The following KLHL6 variants were observed in gnomAD, a reference collection of about 807,000 sequenced individuals.
KLHL6 encodes the protein kelch-like protein 6.
Under a neutral mutation model 58.6 loss-of-function variants are expected in KLHL6, and 41 were observed. The ratio of observed to expected loss-of-function variants is 0.70; its 90% confidence interval spans 0.55 to 0.91. The LOEUF is 0.91. KLHL6 is among the 40% of genes least tolerant of loss of function. KLHL6 has a pLI of 0.00. For synonymous variants in KLHL6, 338 were observed against 322.7 expected (o/e 1.05, Z -0.51); for missense variants, 714 against 805.6 (o/e 0.89, Z 1.38).
At chr3:183,543,238 G>A (rs1712612207) in intron 1 of KLHL6, among the ~76,000 whole-genome samples, 1 of 151,086 alleles carries the variant, frequency 6.6e-6, no homozygotes, top group African/African-American at 2.4e-5. Context: ...AGTGAGCTGA[G>A]ATCGCACCAC....
Position 183,499,918 on chromosome 3 carries a change from A to G in KLHL6, c.910-91T>C. ...CCATTAGGAGTCGGGTCCAATTCCC[A>G]TATCTGCCACGGTATGACCATGTGA... On this transcript the variant is annotated intron_variant, in intron 3 of 6. Transcript: ENST00000341319. The surrounding 1 kb of genome is among the most constrained non-coding windows in gnomAD (Gnocchi z 4.6). 2.3e-6 allele frequency: 2 copies of G among 869,872 alleles called. No homozygotes were observed. The highest frequency in any genetic ancestry group is 3.4e-6 in the Non-Finnish European group (2 of 581,454). 53.9% of individuals were successfully genotyped at this position (869,872 alleles called of 1,614,324 possible). A position where few individuals can be genotyped will look rare whatever the true frequency, so the allele number is the denominator to read the frequency against.
At chr3:183,534,910 GTATATATGTATGCATATATATACA>G (rs1326559998) in intron 1 of KLHL6, among the ~76,000 whole-genome samples, 2 of 146,180 alleles carry the variant, frequency 1.4e-5, no homozygotes, top group East Asian at 4.0e-4. Context: ...ATGTATGTAT[GTATATATGTATGCATATATATACA>G]TATATATATA....
At chr3:183,552,779 T>C (rs1461853708) in intron 1 of KLHL6, among the ~76,000 whole-genome samples, 1 of 144,174 alleles carries the variant, frequency 6.9e-6, no homozygotes, top group African/African-American at 2.5e-5. Context: ...TTGACCTCCC[T>C]AAACCTGAGC....
rs1717645934 is a variant in KLHL6 at position 183,494,103 on chromosome 3, G to A, written c.1326C>T (p.Asp442=). The A allele has an allele frequency of 1.9e-6, 3 of 1,614,042 alleles. No homozygotes were observed. The highest frequency in any genetic ancestry group is 2.5e-6 in the Non-Finnish European group (3 of 1,180,018). Residue 442 remains aspartate (D), a synonymous_variant, in exon 5 of 7, where the codon GAC becomes GAT. Coordinates refer to ENST00000341319, the MANE Select transcript of KLHL6 (RefSeq NM_130446.4). ...LQRINNVETY[D]PFHNCWSEAA... ...CCTCTGACCAGCAGTTGTGAAAGGG[G>A]TCGTAGGTCTCCACATTGTTGATTC...
intron 2 of KLHL6, among the ~76,000 whole-genome samples, chr3:183,524,970 T>TA (rs1008641486): frequency 2.4e-4 from 37 of 152,082 alleles, no homozygotes; most frequent in Non-Finnish European, 4.7e-4. Flanking sequence ...ATGAACATGA[T>TA]AAAAAAAACT....
intron 3 of KLHL6, among the ~76,000 whole-genome samples, chr3:183,507,158 C>T (rs1718031963): frequency 6.6e-6 from 1 of 152,040 alleles, no homozygotes. Context: ...TGATGGGGAG[C>T]CAATGAAGAA....
chr3:183,529,478 G>C (rs966816110), intron 1 of KLHL6, among the ~76,000 whole-genome samples: 7 of 152,008 alleles, frequency 4.6e-5, no homozygotes, highest in Non-Finnish European at 1.0e-4. Context: ...ACCATGCTCT[G>C]AAAACATTTC....
chr3:183,498,289 A>C (rs1717770363), intron 4 of KLHL6, among the ~76,000 whole-genome samples: 1 of 152,202 alleles, frequency 6.6e-6, no homozygotes, highest in African/African-American at 2.4e-5. Flanking sequence ...GAAAGCTAGA[A>C]CCTAATCAAT....
intron 2 of KLHL6, among the ~76,000 whole-genome samples, chr3:183,521,960 G>T (rs530739419): frequency 4.6e-5 from 7 of 150,800 alleles, no homozygotes; most frequent in Admixed American, 2.6e-4. Context: ...CTCCCAAAGT[G>T]CTGGGATTAC....
At chr3:183,509,703 A>T (rs909490382) in intron 2 of KLHL6, among the ~76,000 whole-genome samples, 14 of 152,318 alleles carry the variant, frequency 9.2e-5, no homozygotes, top group South Asian at 2.1e-4. Flanking sequence ...AGGCTTTTAA[A>T]GCTTCTGCTC....
rs191314360 is a variant in KLHL6 at position 183,527,981 on chromosome 3, T to C, written c.323A>G (p.Lys108Arg). ...RAMFCNDLKEKYEKRIIIKGV... is the reference protein window; with the variant it reads ...RAMFCNDLKERYEKRIIIKGV... ...TTTAATAATGATCCTTTTCTCATACTTTTCCTTTAAATCGTTGCAGAACAT... is the reference window on the plus strand; with the variant it reads ...TTTAATAATGATCCTTTTCTCATACCTTTCCTTTAAATCGTTGCAGAACAT... The change falls in exon 2 of 7, where the codon AAG becomes AGG. Residue 108 changes from lysine to arginine, a missense_variant. Physicochemically the swap from Lys to Arg is conservative, Grantham distance 26 (BLOSUM62 2). Transcript: ENST00000341319. 6.2e-7 allele frequency: 1 copy of C among 1,613,988 alleles called. No individual in the cohort carries two copies. Among genetic ancestry groups the C allele is most frequent in the East Asian group, 2.2e-5 (1 of 44,870 alleles).
At chr3:183,505,815 C>T (rs571785464) in intron 3 of KLHL6, among the ~76,000 whole-genome samples, 2 of 152,132 alleles carry the variant, frequency 1.3e-5, no homozygotes, top group Non-Finnish European at 2.9e-5. Context: ...CTTTGAGACA[C>T]AAACTATCAA....
intron 3 of KLHL6, among the ~76,000 whole-genome samples, chr3:183,506,312 T>C (rs1018431381): frequency 2.0e-5 from 3 of 152,236 alleles, no homozygotes; most frequent in African/African-American, 7.2e-5. Context: ...TTATTCACCG[T>C]TCGTAGTACC....
chr3:183,491,551 G>A lies in KLHL6; in HGVS notation c.*376C>T, dbSNP rs1170333966. On this transcript the variant is annotated 3_prime_UTR_variant, in exon 7 of 7. Coordinates refer to ENST00000341319, the MANE Select transcript of KLHL6 (RefSeq NM_130446.4). ...TAGCTACTTGCTATCTGAGTGATCA[G>A]GGGCACGCCACTTAGCCTCTGTGAA... 1 of 188,790 alleles carries A rather than the reference G, an allele frequency of 5.3e-6. No individual in the cohort carries two copies. The highest frequency in any genetic ancestry group is 2.3e-5 in the African/African-American group (1 of 42,940). The allele number at this position is 188,790 out of a possible 1,614,324, so 11.7% of individuals were successfully genotyped here. A position where few individuals can be genotyped will look rare whatever the true frequency, so the allele number is the denominator to read the frequency against.
At chr3:183,527,097 TAAAAAA>T (rs572178014) in intron 2 of KLHL6, among the ~76,000 whole-genome samples, 9 of 135,600 alleles carry the variant, frequency 6.6e-5, no homozygotes, top group African/African-American at 1.9e-4. Flanking sequence ...AGACTCTCTC[TAAAAAA>T]AAAAACAAAA....
At chr3:183,548,817 A>T (rs1712811102) in intron 1 of KLHL6, 1 of 148,366 alleles carries the variant, frequency 6.7e-6, no homozygotes. Flanking sequence ...GTGCAGCCAT[A>T]AAAAGGAATG....
intron 2 of KLHL6, among the ~76,000 whole-genome samples, chr3:183,516,706 C>T (rs1202482205): frequency 6.6e-6 from 1 of 152,190 alleles, no homozygotes; most frequent in Non-Finnish European, 1.5e-5. Context: ...CCTTCAAATC[C>T]ACTTCAGAAT....
intron 1 of KLHL6, among the ~76,000 whole-genome samples, chr3:183,550,905 G>A (rs1712889756): frequency 6.6e-6 from 1 of 152,160 alleles, no homozygotes; most frequent in Non-Finnish European, 1.5e-5. Flanking sequence ...TGGATCACGA[G>A]GTCAGGAGAT....
chr3:183,536,324 A>G (rs1211196816), intron 1 of KLHL6, among the ~76,000 whole-genome samples: 1 of 152,232 alleles, frequency 6.6e-6, no homozygotes, highest in Non-Finnish European at 1.5e-5. Context: ...AAGGGCCGTG[A>G]TACTCTCTGA....
Sources: allele counts gnomAD v4.1 joint callset (sites outside exome capture counted in the v4.1 genomes callset), GRCh38; gene constraint gnomAD v4.1.1; non-coding constraint Gnocchi (gnomAD v3.1); transcripts MANE v1.5; gene names NCBI Gene and HGNC (gene_info 2026-07-23, HGNC 2026-07-21).